The following BDH1 variants were observed in gnomAD, a reference collection of about 807,000 sequenced individuals.
BDH1 encodes the protein 3-hydroxybutyrate dehydrogenase 1, also known as D-beta-hydroxybutyrate dehydrogenase, mitochondrial.
BDH1 carries 30 observed loss-of-function variants against 33.1 expected under a neutral mutation model. The ratio of observed to expected loss-of-function variants is 0.91; its 90% CI spans 0.68 to 1.23. The LOEUF (loss-of-function observed/expected upper bound fraction) is 1.23. Ranked by LOEUF, BDH1 falls within the 50% of genes most tolerant of loss-of-function variation. The pLI is 0.00. For synonymous variants in BDH1, 190 were observed against 183.6 expected, an observed-to-expected ratio of 1.03 and a Z score of -0.28; for missense variants, 443 against 464.4, an observed-to-expected ratio of 0.95 and a Z score of 0.42.
chr3:197,510,838 C>T lies in BDH1; in HGVS notation c.*1057G>A, dbSNP rs1711947667. On this transcript the variant is annotated 3_prime_UTR_variant, in exon 8 of 8. Transcript: ENST00000392379. ...CCAAGCCTGCCCCATCGACACCGGCCCCACCCAAGGCAAAACCAAGCAGAC... is the reference window on the plus strand; with the variant it reads ...CCAAGCCTGCCCCATCGACACCGGCTCCACCCAAGGCAAAACCAAGCAGAC... 6.6e-6 allele frequency: 1 copy of T among 152,602 alleles called. No individual in the cohort carries two copies. The highest frequency in any genetic ancestry group is 1.5e-5 in the Non-Finnish European group (1 of 68,536). 9.5% of individuals were successfully genotyped at this position (152,602 alleles called of 1,614,324 possible). A position where few individuals can be genotyped will look rare whatever the true frequency, so the allele number is the denominator to read the frequency against.
At chr3:197,570,570 G>A (rs1185222875) in intron 1 of BDH1, among the ~76,000 whole-genome samples, 1 of 152,228 alleles carries the variant, frequency 6.6e-6, no homozygotes, top group Non-Finnish European at 1.5e-5. Context: ...CTCTAGCCAT[G>A]GCTAAAAGGT....
At chr3:197,538,351 T>C in intron 3 of BDH1, 1 of 455,078 alleles carries the variant, frequency 2.2e-6, no homozygotes, top group East Asian at 6.9e-5. Context: ...GTTTTTTGTT[T>C]TGTTTTGTTT....
intron 1 of BDH1, among the ~76,000 whole-genome samples, chr3:197,561,847 A>T (rs151291103): frequency 0.021 from 3,224 of 152,316 alleles, 87 homozygotes; most frequent in Non-Finnish European, 0.029. Context: ...TCTTAAAAAA[A>T]AAATATTTAT....
intron 5 of BDH1, among the ~76,000 whole-genome samples, chr3:197,531,936 C>T (rs1401970623): frequency 6.6e-6 from 1 of 152,204 alleles, no homozygotes; most frequent in Non-Finnish European, 1.5e-5. Flanking sequence ...CTCCCAGTCT[C>T]CACCTGTGGC....
At position 197,572,898 on chromosome 3, in the gene BDH1, T is replaced by G. The variant is rs574036211; in HGVS notation, c.-44+283A>C. On this transcript the variant is annotated intron_variant, in intron 1 of 6. Transcript: ENST00000358186. ...TTAAAAAACAAGATACAAAACCACA[T>G]GCTTATTTTGCCTAATTCTTTTTCC... Among the ~76,000 whole-genome samples, 4 of 152,338 alleles carry G rather than the reference T, an allele frequency of 2.6e-5. No individual in the cohort carries two copies. In the East Asian group the frequency reaches 7.7e-4, roughly 29 times the overall value.
At position 197,522,613 on chromosome 3, in the gene BDH1, C is replaced by A. The variant is rs769729569; in HGVS notation, c.409+27G>T. ...CCCCTTGGAATGGCCCCATACACAA[C>A]CCCTGCCGTCCGAAGGGGCGCCCTA... is the stretch of plus-strand genomic sequence containing the variant. On this transcript the variant is annotated intron_variant, in intron 6 of 7. Coordinates refer to ENST00000392379, the MANE Select transcript of BDH1 (RefSeq NM_203314.3). The surrounding 1 kb of genome is among the most constrained non-coding windows in gnomAD (Gnocchi z 4.8). 2 of 1,612,652 alleles carry A rather than the reference C, an allele frequency of 1.2e-6. No homozygotes were observed. Among genetic ancestry groups the A allele is most frequent in the Non-Finnish European group, 8.5e-7 (1 of 1,179,252 alleles).
At position 197,520,704 on chromosome 3, in the gene BDH1, T is replaced by C. The variant is rs890339129; in HGVS notation, c.409+1936A>G. ...CCGATGCAGCTGTTTTCCTGCCCAGTAGTTTATGAAGGAAAATATAGCAGC... is the reference window on the plus strand; with the variant it reads ...CCGATGCAGCTGTTTTCCTGCCCAGCAGTTTATGAAGGAAAATATAGCAGC... On this transcript the variant is annotated intron_variant, in intron 6 of 7. Transcript: ENST00000392379. This position sits in a 1 kb window ranked among gnomAD's most constrained non-coding sequence, Gnocchi z 6.0. Among the ~76,000 whole-genome samples the C allele has an allele frequency of 6.6e-6, 1 of 151,890 alleles. No homozygotes were observed. Among genetic ancestry groups the C allele is most frequent in the South Asian group, 2.1e-4 (1 of 4,812 alleles).
intron 3 of BDH1, chr3:197,533,897 T>C (rs1463634879): frequency 3.2e-6 from 1 of 315,928 alleles, no homozygotes; most frequent in Non-Finnish European, 5.8e-6. Context: ...ATGACATGGA[T>C]AGGTAATGTT....
In BDH1 at chr3:197,542,521, C is replaced by CTTTTT. The variant is rs71164295; in HGVS notation, c.83+3835_83+3839dup. Among the ~76,000 whole-genome samples the CTTTTT allele has an allele frequency of 1.5e-3, 162 of 106,410 alleles. 10 individuals carry two copies. Among genetic ancestry groups the CTTTTT allele is most frequent in the African/African-American group, 4.0e-3 (94 of 23,442 alleles). The allele number at this position is 106,410 out of a possible 152,430, so 69.8% of individuals were successfully genotyped here. On this transcript the variant is annotated intron_variant, in intron 3 of 7. Transcript: ENST00000392379. Reference sequence around the variant, plus strand: ...GTCAACACGCTTTCTTTCTTGCTTGCTTTTTTTTTTTTTTTTTTTGAGACG... The same window carrying CTTTTT: ...GTCAACACGCTTTCTTTCTTGCTTGCTTTTTTTTTTTTTTTTTTTTTTTTGAGACG...
chr3:197,537,838 A>G (rs1214798857), intron 3 of BDH1, among the ~76,000 whole-genome samples: 1 of 152,188 alleles, frequency 6.6e-6, no homozygotes, highest in East Asian at 1.9e-4. Flanking sequence ...AACCATCCTT[A>G]TATCCCTGGA....
intron 1 of BDH1, among the ~76,000 whole-genome samples, chr3:197,571,356 G>C (rs1717600546): frequency 6.6e-6 from 1 of 152,174 alleles, no homozygotes; most frequent in African/African-American, 2.4e-5. Flanking sequence ...GATTGGTTTT[G>C]AAATGTGAAG....
At position 197,554,029 on chromosome 3, in the gene BDH1, T is replaced by A. The variant is rs1161258296; in HGVS notation, c.-44+533A>T. 6.6e-6 allele frequency among the ~76,000 whole-genome samples: 1 copy of A among 152,112 alleles called. No individual in the cohort carries two copies. The highest frequency in any genetic ancestry group is 1.9e-4 in the East Asian group (1 of 5,182). Reference sequence around the variant, plus strand: ...CCTCACCTGGCTCCTCCAAACCGTATCTCCAACTATACTTTTCTCCTCTAC... The same window carrying A: ...CCTCACCTGGCTCCTCCAAACCGTAACTCCAACTATACTTTTCTCCTCTAC... On this transcript the variant is annotated intron_variant, in intron 2 of 7. Coordinates refer to ENST00000392379, the MANE Select transcript of BDH1 (RefSeq NM_203314.3). The surrounding 1 kb of genome is among the most constrained non-coding windows in gnomAD (Gnocchi z 4.4).
chr3:197,526,541 G>A lies in BDH1; in HGVS notation c.268-3760C>T, dbSNP rs1427202643. Among the ~76,000 whole-genome samples the A allele has an allele frequency of 6.6e-6, 1 of 152,176 alleles. No individual in the cohort carries two copies. Among genetic ancestry groups the A allele is most frequent in the Non-Finnish European group, 1.5e-5 (1 of 68,038 alleles). Reference sequence around the variant, plus strand: ...ACTGCCACTCCAGACGCAGGGCAGCGTGCCTCCCCCAGCCGGGCATCTGCT... The same window carrying A: ...ACTGCCACTCCAGACGCAGGGCAGCATGCCTCCCCCAGCCGGGCATCTGCT... On this transcript the variant is annotated intron_variant, in intron 5 of 7. Coordinates refer to ENST00000392379, the MANE Select transcript of BDH1 (RefSeq NM_203314.3). This position sits in a 1 kb window ranked among gnomAD's most constrained non-coding sequence, Gnocchi z 4.7.
In BDH1 at chr3:197,522,505, T is replaced by A; in HGVS notation, c.409+135A>T. On this transcript the variant is annotated intron_variant, in intron 6 of 7. Coordinates refer to ENST00000392379, the MANE Select transcript of BDH1 (RefSeq NM_203314.3). The surrounding 1 kb of genome is among the most constrained non-coding windows in gnomAD (Gnocchi z 4.8). Reference sequence around the variant, plus strand: ...TTTAGTGTAATCCTCTTCCTCCTACTGTGCAGGAGGAAGAGCCTAAACAAT... The same window carrying A: ...TTTAGTGTAATCCTCTTCCTCCTACAGTGCAGGAGGAAGAGCCTAAACAAT... The A allele has an allele frequency of 2.3e-5, 25 of 1,085,748 alleles. No homozygotes were observed. The highest frequency in any genetic ancestry group is 2.9e-5 in the Non-Finnish European group (22 of 751,372). 67.3% of individuals were successfully genotyped at this position (1,085,748 alleles called of 1,614,324 possible). A position where few individuals can be genotyped will look rare whatever the true frequency, so the allele number is the denominator to read the frequency against.
chr3:197,512,125 C>G lies in BDH1; in HGVS notation c.802G>C (p.Val268Leu). The stretch of plus-strand genomic sequence containing the variant: ...TACTTCTTGCCGTAGTCCTTGCGCA[C>G]GACCTCAGGCAGCTCCTCCCACATC... ...KKMWEELPEV[V>L]RKDYGKKYFD... is the part of the protein sequence containing the mutation. Residue 268 changes from valine to leucine, a missense_variant, in exon 8 of 8, where the codon GTG becomes CTG. Coordinates refer to ENST00000392379, the MANE Select transcript of BDH1 (RefSeq NM_203314.3). The G allele has an allele frequency of 6.2e-7, 1 of 1,614,206 alleles. No individual in the cohort carries two copies. Among genetic ancestry groups the G allele is most frequent in the African/African-American group, 1.3e-5 (1 of 75,056 alleles).
intron 2 of BDH1, among the ~76,000 whole-genome samples, chr3:197,551,322 A>C (rs949362802): frequency 6.6e-6 from 1 of 152,326 alleles, no homozygotes; most frequent in Non-Finnish European, 1.5e-5. Context: ...GAACATGCAA[A>C]GCTTGTCTTT....
intron 5 of BDH1, among the ~76,000 whole-genome samples, chr3:197,531,134 G>A (rs1025597742): frequency 3.3e-5 from 5 of 152,090 alleles, no homozygotes; most frequent in Non-Finnish European, 5.9e-5. Flanking sequence ...GGTGGCTCAC[G>A]CCTGTAATCC....
At chr3:197,552,390 C>A (rs544557273) in intron 2 of BDH1, among the ~76,000 whole-genome samples, 1 of 152,170 alleles carries the variant, frequency 6.6e-6, no homozygotes. Flanking sequence ...CAGGATCTTG[C>A]GGAACATAAA....
chr3:197,513,254 G>C (rs9873526), intron 7 of BDH1, among the ~76,000 whole-genome samples: 1 of 152,012 alleles, frequency 6.6e-6, no homozygotes, highest in Non-Finnish European at 1.5e-5. Flanking sequence ...GGCCCAGCCC[G>C]GGAAGCCGAG....
Sources: gnomAD v4.1 joint callset for allele counts (sites outside exome capture counted in the v4.1 genomes callset) on GRCh38, gnomAD v4.1.1 for gene constraint, Gnocchi (gnomAD v3.1) non-coding constraint, MANE v1.5 for transcripts, NCBI Gene and HGNC (gene_info 2026-07-23, HGNC 2026-07-21) for gene names.